Variants in GLI2 observed in about 807,000 individuals in gnomAD.
The protein encoded by GLI2 is transcription activator GLI2.
Under a neutral mutation model 78.9 loss-of-function variants are expected in GLI2, and 22 were observed. The observed-to-expected ratio is 0.28, with a 90% CI of 0.20 to 0.40. The LOEUF (loss-of-function observed/expected upper bound fraction) is 0.40. GLI2 is among the 10% of genes least tolerant of loss of function. The pLI, the probability that GLI2 is intolerant of heterozygous loss-of-function variation, is 1.00. For missense variants in GLI2, 2,097 were observed against 2,213.2 expected (o/e 0.95, Z 1.05); for synonymous variants, 974 against 963.7 (o/e 1.01, Z -0.20).
chr2:120,736,552 TCTCC>T (rs1349144325), intron 1 of GLI2, among the ~76,000 whole-genome samples: 1 of 150,244 alleles, frequency 6.7e-6, no homozygotes, highest in African/African-American at 2.5e-5. Flanking sequence ...TGTTGCACCC[TCTCC>T]CTACCTGGGG....
intron 2 of GLI2, among the ~76,000 whole-genome samples, chr2:120,852,663 C>T (rs1687465896): frequency 6.6e-6 from 1 of 152,216 alleles, no homozygotes; most frequent in Admixed American, 6.5e-5. Context: ...GCCTCCCCAG[C>T]CCACTTTGGG....
In GLI2 at chr2:120,797,243, G is replaced by C. The variant is rs925152880; in HGVS notation, c.-30-48G>C. The stretch of plus-strand genomic sequence containing the variant: ...TGTGAATCTGGGTCGGCGTTTCCCG[G>C]CTGGGTTTGGGCTCAGTGTTGGTGA... On this transcript the variant is annotated intron_variant, in intron 1 of 13. Coordinates refer to ENST00000361492, the MANE Select transcript of GLI2 (RefSeq NM_001374353.1). 5 of 1,481,818 alleles carry C rather than the reference G, an allele frequency of 3.4e-6. No individual in the cohort carries two copies. The African/African-American group carries it at 4.2e-5, about 12-fold the overall frequency. The allele number at this position is 1,481,818 out of a possible 1,614,324, so 91.8% of individuals were successfully genotyped here.
At chr2:120,748,159 G>A (rs546504447) in intron 1 of GLI2, among the ~76,000 whole-genome samples, 1 of 152,332 alleles carries the variant, frequency 6.6e-6, no homozygotes, top group East Asian at 1.9e-4. Context: ...TTGGCCAGGA[G>A]CAGGAATTGC....
At chr2:120,947,132 T>A (rs764467877) in intron 3 of GLI2, among the ~76,000 whole-genome samples, 2 of 152,122 alleles carry the variant, frequency 1.3e-5, no homozygotes, top group Non-Finnish European at 2.9e-5. Context: ...TGCCCTCAGG[T>A]ACTGCCCCCT....
rs1049016244 is a variant in GLI2, at chr2:120,988,926, G to C, written c.2961G>C (p.Arg987Ser). 1.3e-6 allele frequency: 2 copies of C among 1,523,698 alleles called. No homozygotes were observed. The highest frequency in any genetic ancestry group is 2.5e-5 in the East Asian group (1 of 39,324). The allele number at this position is 1,523,698 out of a possible 1,614,324, so 94.4% of individuals were successfully genotyped here. ...GCCCGCTGCCGCCCTGTGCCGACAG[G>C]CGAGGCCTCCGCCTGCAGAGCCACC... Reference protein sequence around the residue: ...NPGPLPPCADRRGLRLQSHPS... With the variant: ...NPGPLPPCADSRGLRLQSHPS... The change falls in exon 14 of 14, where the codon AGG becomes AGC. Residue 987 changes from arginine to serine, a missense_variant. By Grantham distance (110) the Arg-to-Ser change is moderately radical (BLOSUM62 -1). This residue lies in a region of GLI2 where 1,290 missense variants were observed against 1,261.7 expected (regional missense o/e 1.02). Transcript: ENST00000361492.
chr2:120,988,500 G>T lies in GLI2; in HGVS notation c.2535G>T (p.Ala845=). 1 of 1,534,864 alleles carries T rather than the reference G, an allele frequency of 6.5e-7. No homozygotes were observed. The highest frequency in any genetic ancestry group is 8.7e-7 in the Non-Finnish European group (1 of 1,150,104). Residue 845 remains alanine (A), a synonymous_variant, in exon 14 of 14, where the codon GCG becomes GCT. Transcript: ENST00000361492. ...CCTACGACCCCATCTCCACGGACGC[G>T]TCGCGGCGCTCGAGCGAGGCCAGCC... ...ADSYDPISTD[A]SRRSSEASQC...
intron 1 of GLI2, among the ~76,000 whole-genome samples, chr2:120,758,525 C>T (rs767866173): frequency 5.3e-5 from 8 of 152,222 alleles, no homozygotes; most frequent in Non-Finnish European, 1.0e-4. Context: ...CACAGATGTT[C>T]AGCCTGCGCC....
At chr2:120,805,243 C>G (rs952065035) in intron 2 of GLI2, among the ~76,000 whole-genome samples, 1 of 152,278 alleles carries the variant, frequency 6.6e-6, no homozygotes, top group Non-Finnish European at 1.5e-5. Flanking sequence ...GGTCTGGACT[C>G]TGGGAGGCTC....
intron 10 of GLI2, among the ~76,000 whole-genome samples, chr2:120,981,937 A>G (rs897632915): frequency 6.6e-6 from 1 of 152,222 alleles, no homozygotes; most frequent in Admixed American, 6.5e-5. Context: ...TTCCTGCTCT[A>G]TGGAGCTGGT....
chr2:120,909,280 C>T (rs1207918618), intron 2 of GLI2, among the ~76,000 whole-genome samples: 2 of 151,996 alleles, frequency 1.3e-5, no homozygotes, highest in African/African-American at 4.8e-5. Context: ...GGCCCTGCAG[C>T]CTCTTCTCAA....
At chr2:120,781,846 G>A (rs1683858536) in intron 1 of GLI2, among the ~76,000 whole-genome samples, 2 of 150,824 alleles carry the variant, frequency 1.3e-5, no homozygotes, top group South Asian at 2.1e-4. Flanking sequence ...TTATACCACT[G>A]TACTCCAGCC....
Position 120,988,243 on chromosome 2 carries a change from G to T in GLI2, c.2278G>T (p.Gly760Cys). Reference sequence around the variant, plus strand: ...GGAAAACTTCAGTGGCAGTGGGGGCGGCGGGCCCGCGGGGCTGCTGCCGAA... The same window carrying T: ...GGAAAACTTCAGTGGCAGTGGGGGCTGCGGGCCCGCGGGGCTGCTGCCGAA... ...ILENFSGSGG[G>C]GPAGLLPNPR... The change falls in exon 14 of 14, where the codon GGC (glycine) becomes TGC (cysteine). Residue 760 changes from glycine (G) to cysteine (C), a missense_variant. Coordinates refer to ENST00000361492, the MANE Select transcript of GLI2 (RefSeq NM_001374353.1). The T allele has an allele frequency of 6.3e-7, 1 of 1,582,398 alleles. No homozygotes were observed. The highest frequency in any genetic ancestry group is 1.1e-5 in the South Asian group (1 of 87,708).
chr2:120,978,833 T>G (rs1271880930), intron 10 of GLI2, among the ~76,000 whole-genome samples: 1 of 152,090 alleles, frequency 6.6e-6, no homozygotes, highest in African/African-American at 2.4e-5. Flanking sequence ...GGCAAAAATG[T>G]GTGGGTGTGT....
intron 2 of GLI2, among the ~76,000 whole-genome samples, chr2:120,916,228 A>C (rs185718815): frequency 2.4e-3 from 363 of 152,312 alleles, no homozygotes; most frequent in Non-Finnish European, 4.0e-3. Context: ...ACCTCTTACT[A>C]TGTGTATTAC....
At chr2:120,958,522 C>T (rs986369452) in intron 5 of GLI2, among the ~76,000 whole-genome samples, 1 of 152,134 alleles carries the variant, frequency 6.6e-6, no homozygotes, top group Non-Finnish European at 1.5e-5. Flanking sequence ...TGCTCCATGG[C>T]TGCTGCTCAT....
chr2:120,826,033 C>T (rs1343087742), intron 2 of GLI2, among the ~76,000 whole-genome samples: 2 of 152,216 alleles, frequency 1.3e-5, no homozygotes, highest in African/African-American at 4.8e-5. Flanking sequence ...TGGGAGGCTG[C>T]CTGGTGACGG....
rs1558947099 is a variant in GLI2 at position 120,990,980 on chromosome 2, G to A, written c.*305G>A. ...ACCGCGCTGTTCCGGCTTCTTCACG[G>A]CTGACATTCGGCTAACGAGGGATTA... On this transcript the variant is annotated 3_prime_UTR_variant, in exon 14 of 14. Coordinates refer to ENST00000361492, the MANE Select transcript of GLI2 (RefSeq NM_001374353.1). 1 of 357,106 alleles carries A rather than the reference G, an allele frequency of 2.8e-6. No homozygotes were observed. Among genetic ancestry groups the A allele is most frequent in the Non-Finnish European group, 5.1e-6 (1 of 197,060 alleles). The allele number at this position is 357,106 out of a possible 1,614,324, so 22.1% of individuals were successfully genotyped here.
intron 1 of GLI2, among the ~76,000 whole-genome samples, chr2:120,787,894 C>G (rs977076143): frequency 1.3e-5 from 2 of 152,136 alleles, no homozygotes; most frequent in African/African-American, 4.8e-5. Context: ...GATGCCAACC[C>G]GAGAGTTTAG....
At chr2:120,861,699 G>A (rs1687912460) in intron 2 of GLI2, among the ~76,000 whole-genome samples, 1 of 152,214 alleles carries the variant, frequency 6.6e-6, no homozygotes, top group Non-Finnish European at 1.5e-5. Flanking sequence ...GGCCTGCTGA[G>A]CTGAGCCCTT....
Sources: allele counts gnomAD v4.1 joint callset (sites outside exome capture counted in the v4.1 genomes callset), GRCh38; gene constraint gnomAD v4.1.1; regional missense constraint gnomAD v4.1.1; transcripts MANE v1.5; gene names NCBI Gene and HGNC (gene_info 2026-07-23, HGNC 2026-07-21).